NEK10: variants seen among roughly 807,000 people sequenced by gnomAD.
NEK10 encodes NIMA related kinase 10.
Under a neutral mutation model 159.8 loss-of-function variants are expected in NEK10, and 122 were observed. The ratio of observed to expected loss-of-function variants is 0.76; its 90% CI spans 0.66 to 0.89. The LOEUF is 0.89. Among genes scored for constraint, NEK10 ranks in the 40% least tolerant of loss-of-function variants. The probability of loss-of-function intolerance (pLI) is 0.00; values close to 1 mark genes in which losing one functional copy is unlikely to be tolerated. For missense variants in NEK10, 1,342 were observed against 1,323.1 expected (o/e 1.01, Z -0.22); for synonymous variants, 466 against 457.1 (o/e 1.02, Z -0.25).
At chr3:27,175,053 T>C (rs1947372601) in intron 26 of NEK10, among the ~76,000 whole-genome samples, 3 of 152,146 alleles carry the variant, frequency 2.0e-5, no homozygotes, top group African/African-American at 7.2e-5. Context: ...TCAAAAAGGA[T>C]GGAAGTGGCA....
intron 23 of NEK10, among the ~76,000 whole-genome samples, chr3:27,236,501 A>T (rs932560130): frequency 6.6e-6 from 1 of 152,124 alleles, no homozygotes; most frequent in Non-Finnish European, 1.5e-5. Flanking sequence ...CAATATTTCA[A>T]TGTAGGTTCT....
In NEK10 at chr3:27,287,617, T is replaced by A. The variant is rs1006356275; in HGVS notation, c.1789+81A>T. ...GGTCAATAAAATAGTTGATTAGGTTTCTTTTGTGACATTCTGATACAAAAA... is the reference window on the plus strand; with the variant it reads ...GGTCAATAAAATAGTTGATTAGGTTACTTTTGTGACATTCTGATACAAAAA... On this transcript the variant is annotated intron_variant, in intron 20 of 35. Transcript: ENST00000691995. 142 of 1,426,706 alleles carry A rather than the reference T, an allele frequency of 1.0e-4. No individual in the cohort carries two copies. The highest frequency in any genetic ancestry group is 6.1e-4 in the Middle Eastern group (3 of 4,926). 88.4% of individuals were successfully genotyped at this position (1,426,706 alleles called of 1,614,324 possible).
At chr3:27,149,751 G>A (rs1038949760) in intron 30 of NEK10, among the ~76,000 whole-genome samples, 1 of 152,018 alleles carries the variant, frequency 6.6e-6, no homozygotes, top group Non-Finnish European at 1.5e-5. Flanking sequence ...GCCTCTAATT[G>A]TTCAAGTGGA....
intron 25 of NEK10, among the ~76,000 whole-genome samples, chr3:27,197,984 G>A (rs1188041405): frequency 9.9e-5 from 15 of 152,016 alleles, no homozygotes; most frequent in African/African-American, 3.1e-4. Flanking sequence ...GTATAACATC[G>A]GCTGTGGGTC....
rs986751295 is a variant in NEK10 at position 27,108,308 on chromosome 3, C to A, written c.*2964G>T. 1.3e-5 allele frequency among the ~76,000 whole-genome samples: 2 copies of A among 152,200 alleles called. No individual in the cohort carries two copies. The highest frequency in any genetic ancestry group is 2.9e-5 in the Non-Finnish European group (2 of 68,038). On this transcript the variant is annotated 3_prime_UTR_variant, in exon 36 of 36. Coordinates refer to ENST00000691995, the MANE Select transcript of NEK10 (RefSeq NM_001394966.1). ...TAGGTTTCTGAAATTCATCCACAAG[C>A]AGTGGGTCCAAGTGTCCACGTCACT...
chr3:27,354,565 G>A (rs960159897), intron 1 of NEK10, among the ~76,000 whole-genome samples: 16 of 152,056 alleles, frequency 1.1e-4, no homozygotes, highest in African/African-American at 2.2e-4. Context: ...TTGAGAAGTT[G>A]GGAATGCTTT....
Position 27,117,825 on chromosome 3 carries a change from G to T in NEK10, c.3191-1698C>A, listed in dbSNP as rs1372189395. Among the ~76,000 whole-genome samples, 36 of 152,076 alleles carry T rather than the reference G, an allele frequency of 2.4e-4. 1 individual carries two copies. Among genetic ancestry groups the T allele is most frequent in the Admixed American group, 2.4e-3 (36 of 15,266 alleles). On this transcript the variant is annotated intron_variant, in intron 33 of 35. Transcript: ENST00000691995. ...TTGCTGTGCAGAAGCTCTTTAATTA[G>T]ATCCCATTTGTGAATTTTTGCTTTT...
rs759136765 is a variant in NEK10, at chr3:27,284,650, G to A, written c.1966C>T (p.Leu656=). Residue 656 remains leucine (L), a synonymous_variant, in exon 22 of 36, where the codon CTG becomes TTG. Coordinates refer to ENST00000691995, the MANE Select transcript of NEK10 (RefSeq NM_001394966.1). Reference sequence around the variant, plus strand: ...CCCAACATAATGTTGTTTGGTGTCAGATCTCTATGGACAATCCTCTTCTCC... The same window carrying A: ...CCCAACATAATGTTGTTTGGTGTCAAATCTCTATGGACAATCCTCTTCTCC... ...HKEKRIVHRD[L]TPNNIMLGDK... is the part of the protein sequence containing the mutation. The A allele has an allele frequency of 3.1e-6, 5 of 1,609,340 alleles. No individual in the cohort carries two copies. Among genetic ancestry groups the A allele is most frequent in the Non-Finnish European group, 4.3e-6 (5 of 1,175,786 alleles).
chr3:27,141,083 T>C (rs531457117), intron 31 of NEK10, among the ~76,000 whole-genome samples: 1 of 152,296 alleles, frequency 6.6e-6, no homozygotes, highest in Admixed American at 6.5e-5. Flanking sequence ...TGGCTTTCAC[T>C]CTCTGAAAGG....
At position 27,132,051 on chromosome 3, in the gene NEK10, A is replaced by T. The variant is rs1942684558; in HGVS notation, c.2971-61T>A. 1.4e-5 allele frequency: 13 copies of T among 923,738 alleles called. No homozygotes were observed. The Middle Eastern group carries it at 2.7e-3, about 189-fold the overall frequency. The allele number at this position is 923,738 out of a possible 1,614,324, so 57.2% of individuals were successfully genotyped here. A position where few individuals can be genotyped will look rare whatever the true frequency, so the allele number is the denominator to read the frequency against. ...TTGTTAACACTACACAGCTGACTAC[A>T]AAAAGCATTCGCTGAGGGCCCATGT... is the stretch of plus-strand genomic sequence containing the variant. On this transcript the variant is annotated intron_variant, in intron 31 of 35. Transcript: ENST00000691995.
At chr3:27,267,008 C>T (rs1388455435) in intron 22 of NEK10, among the ~76,000 whole-genome samples, 2 of 152,158 alleles carry the variant, frequency 1.3e-5, no homozygotes, top group Admixed American at 6.5e-5. Context: ...TTTCACAACA[C>T]CTCCACAGGT....
intron 23 of NEK10, among the ~76,000 whole-genome samples, chr3:27,238,742 C>G (rs1012876115): frequency 5.2e-5 from 7 of 135,592 alleles, no homozygotes; most frequent in African/African-American, 1.9e-4. Flanking sequence ...CCAACCTCCC[C>G]TTTCGTGTGT....
chr3:27,258,389 G>A lies in NEK10; in HGVS notation c.2015-2018C>T, dbSNP rs562353221. ...TCCCCCCTCCCCCTACCCCACAACA[G>A]GCCCTGGTGTGTGATGTTCCCCTTC... On this transcript the variant is annotated intron_variant, in intron 22 of 35. Transcript: ENST00000691995. Among the ~76,000 whole-genome samples the A allele has an allele frequency of 7.1e-3, 728 of 103,008 alleles. 4 individuals carry two copies. The highest frequency in any genetic ancestry group is 0.018 in the Middle Eastern group (2 of 110). 67.6% of individuals were successfully genotyped at this position (103,008 alleles called of 152,430 possible).
intron 23 of NEK10, among the ~76,000 whole-genome samples, chr3:27,213,495 A>C (rs764086063): frequency 6.6e-6 from 1 of 152,208 alleles, no homozygotes; most frequent in Non-Finnish European, 1.5e-5. Context: ...CAATTGTCCA[A>C]TATATGACTC....
In NEK10 at chr3:27,327,159, T is replaced by C. The variant is rs1397995563; in HGVS notation, c.363-4898A>G. On this transcript the variant is annotated intron_variant, in intron 5 of 35. Coordinates refer to ENST00000691995, the MANE Select transcript of NEK10 (RefSeq NM_001394966.1). ...AGGTGCCAGACTCCCATTCCAGTGC[T>C]CTTGCCATCCCTCCCCTCCACCTAA... is the stretch of plus-strand genomic sequence containing the variant. Among the ~76,000 whole-genome samples the C allele has an allele frequency of 3.3e-5, 5 of 152,102 alleles. No homozygotes were observed. In the East Asian group the frequency reaches 9.7e-4, roughly 29 times the overall value.
intron 30 of NEK10, among the ~76,000 whole-genome samples, chr3:27,157,508 C>T (rs946203442): frequency 6.6e-6 from 1 of 152,112 alleles, no homozygotes; most frequent in Non-Finnish European, 1.5e-5. Flanking sequence ...TTGCTGCAGT[C>T]TCATCCAAAA....
chr3:27,114,494 G>A (rs1262397587), intron 35 of NEK10, among the ~76,000 whole-genome samples: 1 of 152,154 alleles, frequency 6.6e-6, no homozygotes, highest in African/African-American at 2.4e-5. Flanking sequence ...AAAAGAGCAA[G>A]TAGTTGAATA....
chr3:27,246,553 T>A (rs937460027), intron 23 of NEK10, among the ~76,000 whole-genome samples: 2 of 152,328 alleles, frequency 1.3e-5, no homozygotes, highest in African/African-American at 2.4e-5. Flanking sequence ...GTTAAAACAA[T>A]CTAATTATAC....
At chr3:27,226,519 C>A (rs537882169) in intron 23 of NEK10, among the ~76,000 whole-genome samples, 1 of 152,282 alleles carries the variant, frequency 6.6e-6, no homozygotes, top group East Asian at 1.9e-4. Context: ...CACAGTAACG[C>A]TTTCAGATGC....
Sources: allele counts gnomAD v4.1 joint callset (sites outside exome capture counted in the v4.1 genomes callset), GRCh38; gene constraint gnomAD v4.1.1; transcripts MANE v1.5; gene names NCBI Gene and HGNC (gene_info 2026-07-23, HGNC 2026-07-21).